Variants in NF2 observed in about 807,000 individuals in gnomAD.
NF2 encodes merlin.
Under a neutral mutation model 83.7 loss-of-function variants are expected in NF2, and 8 were observed. That is an observed-to-expected ratio of 0.10 (90% CI 0.06 to 0.17). The LOEUF (loss-of-function observed/expected upper bound fraction) is 0.17, where lower values mean the gene tolerates loss of function less well. Among genes scored for constraint, NF2 ranks in the 10% least tolerant of loss-of-function variants. NF2 has a pLI of 1.00. For synonymous variants in NF2, 266 were observed against 269.6 expected (o/e 0.99, Z 0.13); for missense variants, 533 against 744.4 (o/e 0.72, Z 3.31).
intron 11 of NF2, among the ~76,000 whole-genome samples, chr22:29,672,938 G>A (rs114646404): frequency 0.019 from 2,829 of 152,264 alleles, 89 homozygotes; most frequent in African/African-American, 0.064. Flanking sequence ...GTCTCTTGCA[G>A]GGGACAAAAA....
At chr22:29,629,098 G>A (rs2065444609) in intron 1 of NF2, among the ~76,000 whole-genome samples, 1 of 151,934 alleles carries the variant, frequency 6.6e-6, no homozygotes, top group South Asian at 2.1e-4. Context: ...TTTCTATTTG[G>A]TGGATCTCTT....
rs141837477 is a variant in NF2 at position 29,624,901 on chromosome 22, TTC to T, written c.115-11830_115-11829del. 5.8e-3 allele frequency among the ~76,000 whole-genome samples: 833 copies of T among 143,116 alleles called. 9 individuals are homozygous for T. Among genetic ancestry groups the T allele is most frequent in the African/African-American group, 0.02 (767 of 38,002 alleles). 93.9% of individuals were successfully genotyped at this position (143,116 alleles called of 152,430 possible). ...TCTCCTCTTTCTGTCTCTCTCTTCT[TTC>T]TCTCTCTCTCTCTCTCTCTTTCTTT... On this transcript the variant is annotated intron_variant, in intron 1 of 15. Transcript: ENST00000338641.
At position 29,696,089 on chromosome 22, in the gene NF2, T is replaced by TC. The variant is rs1556009318; in HGVS notation, c.*1289dup. The TC allele has an allele frequency of 9.1e-5, 20 of 219,212 alleles. No individual in the cohort carries two copies. Among genetic ancestry groups the TC allele is most frequent in the Non-Finnish European group, 1.5e-4 (17 of 111,150 alleles). 13.6% of individuals were successfully genotyped at this position (219,212 alleles called of 1,614,324 possible). On this transcript the variant is annotated 3_prime_UTR_variant, in exon 16 of 16. Coordinates refer to ENST00000338641, the MANE Select transcript of NF2 (RefSeq NM_000268.4). ...TTCTTTTTTTTTTTTTTTTTTTTTT[T>TC]CCGAGATGGAGTCTCTCTCTGTCAC...
intron 10 of NF2, among the ~76,000 whole-genome samples, chr22:29,671,300 G>GT (rs1420107263): frequency 6.6e-6 from 1 of 152,226 alleles, no homozygotes; most frequent in African/African-American, 2.4e-5. Context: ...GGAGGCCAAG[G>GT]TGGGTGGATC....
At chr22:29,668,704 A>G (rs2066698242) in intron 10 of NF2, among the ~76,000 whole-genome samples, 1 of 152,240 alleles carries the variant, frequency 6.6e-6, no homozygotes, top group Non-Finnish European at 1.5e-5. Context: ...TGTGATTAAC[A>G]CCAGTTTGGG....
chr22:29,662,879 C>T (rs919046089), intron 8 of NF2, among the ~76,000 whole-genome samples: 5 of 152,218 alleles, frequency 3.3e-5, no homozygotes, highest in African/African-American at 1.2e-4. Flanking sequence ...GGTACCTGCA[C>T]AGCCAGGACA....
At chr22:29,604,403 T>C (rs1201441917) in intron 1 of NF2, among the ~76,000 whole-genome samples, 1 of 152,232 alleles carries the variant, frequency 6.6e-6, no homozygotes, top group African/African-American at 2.4e-5. Context: ...CTTAAAAGCT[T>C]GAAAGTTTAT....
At chr22:29,683,907 C>G (rs1159475863) in intron 15 of NF2, 1 of 1,040,222 alleles carries the variant, frequency 9.6e-7, no homozygotes, top group African/African-American at 1.7e-5. Flanking sequence ...AAATGACATC[C>G]TGCCTCTACT....
At chr22:29,686,575 G>T (rs1240302664) in intron 15 of NF2, among the ~76,000 whole-genome samples, 1 of 152,214 alleles carries the variant, frequency 6.6e-6, no homozygotes, top group African/African-American at 2.4e-5. Context: ...GGAGGTGGGG[G>T]TTGCAGTGAG....
chr22:29,687,822 T>A (rs565028665), intron 15 of NF2, among the ~76,000 whole-genome samples: 27 of 152,136 alleles, frequency 1.8e-4, no homozygotes, highest in Non-Finnish European at 3.8e-4. Context: ...GAGCAAGGAT[T>A]AACAGGGAGC....
Position 29,698,447 on chromosome 22 carries a change from G to T in NF2, c.*3645G>T. ...GCCCCTCCAGGGCTTTCAGGGAAGC[G>T]CCATCCATTTTCAAAGATGTCAAAC... On this transcript the variant is annotated 3_prime_UTR_variant, in exon 16 of 16. Transcript: ENST00000338641. 4.6e-6 allele frequency: 1 copy of T among 218,596 alleles called. No homozygotes were observed. Among genetic ancestry groups the T allele is most frequent in the Non-Finnish European group, 9.2e-6 (1 of 108,620 alleles). The allele number at this position is 218,596 out of a possible 1,614,324, so 13.5% of individuals were successfully genotyped here.
rs867849043 is a variant in NF2, at chr22:29,643,747, C to A, written c.447+1462C>A. 3.9e-5 allele frequency among the ~76,000 whole-genome samples: 6 copies of A among 152,338 alleles called. 1 individual carries two copies. Among genetic ancestry groups the A allele is most frequent in the Admixed American group, 3.3e-4 (5 of 15,304 alleles). On this transcript the variant is annotated intron_variant, in intron 4 of 15. Coordinates refer to ENST00000338641, the MANE Select transcript of NF2 (RefSeq NM_000268.4). ...CTCAATCTTTTCCCCACCTTTCCCCCCTTTCTATTCCACAAAGCCGCCATT... is the reference window on the plus strand; with the variant it reads ...CTCAATCTTTTCCCCACCTTTCCCCACTTTCTATTCCACAAAGCCGCCATT...
intron 9 of NF2, among the ~76,000 whole-genome samples, chr22:29,667,408 T>C (rs2066655326): frequency 6.6e-6 from 1 of 152,118 alleles, no homozygotes; most frequent in South Asian, 2.1e-4. Context: ...CAGCTAATTT[T>C]TTGTATTTTT....
intron 14 of NF2, 96 bp from the exon 15 acceptor site, chr22:29,681,343 T>C: frequency 4.6e-6 from 7 of 1,507,388 alleles, no homozygotes; most frequent in Non-Finnish European, 5.5e-6. Context: ...CCTCAAACCC[T>C]AGATCGCACA....
chr22:29,686,377 T>C lies in NF2; in HGVS notation c.1737+4776T>C, dbSNP rs141934268. On this transcript the variant is annotated intron_variant, in intron 15 of 15. Transcript: ENST00000338641. The stretch of plus-strand genomic sequence containing the variant: ...ATAATTGGCCGGGCACAGTGGCTCA[T>C]GCCTATAATCCCAGCACGTTGGGAG... Among the ~76,000 whole-genome samples, 7 of 152,368 alleles carry C rather than the reference T, an allele frequency of 4.6e-5. No homozygotes were observed. The East Asian group carries it at 1.3e-3, about 29-fold the overall frequency.
intron 4 of NF2, among the ~76,000 whole-genome samples, chr22:29,642,755 G>A (rs1341513124): frequency 6.6e-6 from 1 of 151,902 alleles, no homozygotes; most frequent in African/African-American, 2.4e-5. Context: ...AAAGGCCCAG[G>A]TCCTCACTCC....
intron 4 of NF2, among the ~76,000 whole-genome samples, chr22:29,653,901 T>A (rs1316483239): frequency 6.6e-6 from 1 of 152,234 alleles, no homozygotes; most frequent in Non-Finnish European, 1.5e-5. Flanking sequence ...TGATTTTATA[T>A]TCTACTGTAT....
intron 1 of NF2, among the ~76,000 whole-genome samples, chr22:29,614,580 T>TC (rs2065035842): frequency 1.4e-5 from 1 of 71,514 alleles, no homozygotes; most frequent in African/African-American, 4.4e-5. Flanking sequence ...AGACTCCATC[T>TC]AAAAAAAAAA....
intron 4 of NF2, among the ~76,000 whole-genome samples, chr22:29,646,869 C>T (rs2065996770): frequency 6.6e-6 from 1 of 152,046 alleles, no homozygotes; most frequent in Non-Finnish European, 1.5e-5. Flanking sequence ...TGTGGTGAAA[C>T]CTAATCTCTA....
Sources: gnomAD v4.1 joint callset for allele counts (sites outside exome capture counted in the v4.1 genomes callset) on GRCh38, gnomAD v4.1.1 for gene constraint, MANE v1.5 for transcripts, NCBI Gene and HGNC (gene_info 2026-07-23, HGNC 2026-07-21) for gene names.